The following MYO16 variants were observed in gnomAD, a reference collection of about 807,000 sequenced individuals.
MYO16 encodes the protein myosin XVI, also known as unconventional myosin-XVI.
A neutral mutation model predicts 205.3 loss-of-function variants in MYO16; 94 were observed. The ratio of observed to expected loss-of-function variants is 0.46; its 90% CI spans 0.39 to 0.54. The LOEUF is 0.54. MYO16 is among the 20% of genes least tolerant of loss of function. The pLI, the probability that MYO16 is intolerant of heterozygous loss-of-function variation, is 0.00. For synonymous variants in MYO16, 988 were observed against 954.0 expected (o/e 1.04, Z -0.66); for missense variants, 2,315 against 2,387.5 (o/e 0.97, Z 0.63).
the MYO16 span, among the ~76,000 whole-genome samples, chr13:108,543,528 G>A: frequency 1.3e-5 from 2 of 151,442 alleles, no homozygotes; most frequent in African/African-American, 4.9e-5. Flanking sequence ...TGTAGTCCCA[G>A]CTACTCCGGA....
intron 16 of MYO16, among the ~76,000 whole-genome samples, chr13:108,949,941 A>G (rs533296060): frequency 6.6e-6 from 1 of 152,268 alleles, no homozygotes; most frequent in South Asian, 2.1e-4. Flanking sequence ...GGAAAGATCA[A>G]CTTCAACAAA....
At chr13:108,800,293 T>C (rs1331703539) in intron 6 of MYO16, among the ~76,000 whole-genome samples, 1 of 152,222 alleles carries the variant, frequency 6.6e-6, no homozygotes, top group Admixed American at 6.5e-5. Flanking sequence ...ATGTAGCTTC[T>C]CAGAGTGGTC....
At chr13:108,566,978 A>C in the MYO16 span, among the ~76,000 whole-genome samples, 1 of 152,176 alleles carries the variant, frequency 6.6e-6, no homozygotes, top group Non-Finnish European at 1.5e-5. Context: ...ACATGGACAA[A>C]TGTGGGAATG....
intron 23 of MYO16, among the ~76,000 whole-genome samples, chr13:109,022,458 C>CA (rs1418501274): frequency 2.3e-4 from 28 of 121,478 alleles, no homozygotes; most frequent in South Asian, 1.5e-3. Context: ...GTTATATATA[C>CA]AATATAAACA....
chr13:108,568,005 C>G, the MYO16 span, among the ~76,000 whole-genome samples: 2 of 152,124 alleles, frequency 1.3e-5, no homozygotes, highest in Non-Finnish European at 2.9e-5. Flanking sequence ...ATAATGTTTT[C>G]AAGGTTCATC....
intron 32 of MYO16, among the ~76,000 whole-genome samples, chr13:109,156,577 A>C (rs1594137826): frequency 6.6e-6 from 1 of 152,050 alleles, no homozygotes; most frequent in East Asian, 1.9e-4. Context: ...TCTAAAATAC[A>C]CTCTAATCTG....
At chr13:109,201,147 TTTA>T (rs1214207101) in intron 34 of MYO16, among the ~76,000 whole-genome samples, 1 of 152,182 alleles carries the variant, frequency 6.6e-6, no homozygotes, top group Non-Finnish European at 1.5e-5. Context: ...TAATTGGATA[TTTA>T]TTATTTCACT....
chr13:108,896,062 C>G (rs940546926), intron 14 of MYO16, among the ~76,000 whole-genome samples: 9 of 152,110 alleles, frequency 5.9e-5, no homozygotes, highest in Non-Finnish European at 1.0e-4. Context: ...CCTTCTCACT[C>G]CCAGGCACAT....
At chr13:109,090,544 A>AG (rs1566501070) in intron 27 of MYO16, among the ~76,000 whole-genome samples, 2 of 151,952 alleles carry the variant, frequency 1.3e-5, no homozygotes, top group African/African-American at 4.8e-5. Context: ...GAATGCAAGA[A>AG]GGGGTGGGCA....
chr13:109,084,934 G>A (rs1888392693), intron 27 of MYO16, among the ~76,000 whole-genome samples: 1 of 152,182 alleles, frequency 6.6e-6, no homozygotes, highest in African/African-American at 2.4e-5. Context: ...ACCAGTCAGT[G>A]TGGGTTTATG....
intron 21 of MYO16, among the ~76,000 whole-genome samples, chr13:109,007,768 A>G (rs924361214): frequency 6.6e-6 from 1 of 152,122 alleles, no homozygotes; most frequent in East Asian, 1.9e-4. Flanking sequence ...AAAGAGAAAA[A>G]TTGACAGTTG....
chr13:109,127,513 C>A lies in MYO16; in HGVS notation c.4014C>A (p.Ser1338Arg). The A allele has an allele frequency of 6.2e-7, 1 of 1,612,548 alleles. No homozygotes were observed. The highest frequency in any genetic ancestry group is 2.2e-5 in the East Asian group (1 of 44,828). Residue 1338 changes from serine to arginine, a missense_variant, in exon 31 of 35, where the codon AGC (serine) becomes AGA (arginine). Ser to Arg is a moderately radical substitution (Grantham distance 110). This residue lies in a region of MYO16 where 1,097 missense variants were observed against 1,092.0 expected (regional missense o/e 1.00). Coordinates refer to ENST00000457511, the MANE Select transcript of MYO16 (RefSeq NM_001198950.3). This position sits in a 1 kb window ranked among gnomAD's most constrained non-coding sequence, Gnocchi z 4.2. ...TGAGTGCTTCCTATGAGGCTGTGAGCGCCTGCCTCTCCGCGGCCAGGGAAG... is the reference window on the plus strand; with the variant it reads ...TGAGTGCTTCCTATGAGGCTGTGAGAGCCTGCCTCTCCGCGGCCAGGGAAG... ...TRLSASYEAV[S>R]ACLSAAREAA... is the part of the protein sequence containing the mutation.
At chr13:109,047,194 A>G (rs1887073789) in intron 24 of MYO16, among the ~76,000 whole-genome samples, 1 of 152,176 alleles carries the variant, frequency 6.6e-6, no homozygotes, top group Non-Finnish European at 1.5e-5. Context: ...TCCAATGGAA[A>G]CCATAATTTA....
intron 4 of MYO16, among the ~76,000 whole-genome samples, chr13:108,760,881 T>C (rs1885584154): frequency 6.6e-6 from 1 of 152,212 alleles, no homozygotes; most frequent in South Asian, 2.1e-4. Context: ...TCAACGTTTT[T>C]AGCTCCCGCA....
At chr13:108,610,443 A>C (rs559198221) in intron 1 of MYO16, among the ~76,000 whole-genome samples, 1 of 152,242 alleles carries the variant, frequency 6.6e-6, no homozygotes, top group African/African-American at 2.4e-5. Context: ...TGTGGGCAAA[A>C]GTACTCTTCT....
chr13:108,860,757 G>A (rs1200378137), intron 11 of MYO16, among the ~76,000 whole-genome samples: 1 of 152,172 alleles, frequency 6.6e-6, no homozygotes, highest in Non-Finnish European at 1.5e-5. Flanking sequence ...GAAGAGTGAA[G>A]CTAGACCCCT....
intron 34 of MYO16, among the ~76,000 whole-genome samples, chr13:109,204,205 TG>T (rs2139978299): frequency 6.6e-6 from 1 of 152,354 alleles, no homozygotes; most frequent in Non-Finnish European, 1.5e-5. Flanking sequence ...TTCCTCAGTT[TG>T]TTTTCTAAAT....
chr13:109,106,523 A>G (rs958407032), intron 28 of MYO16, among the ~76,000 whole-genome samples: 1 of 152,236 alleles, frequency 6.6e-6, no homozygotes, highest in African/African-American at 2.4e-5. Flanking sequence ...AGCTAATTCT[A>G]AGTGGAAAAA....
chr13:108,862,794 TGA>T (rs1878509829), intron 11 of MYO16, among the ~76,000 whole-genome samples: 2 of 152,162 alleles, frequency 1.3e-5, no homozygotes, highest in Admixed American at 1.3e-4. Flanking sequence ...TGGAAATAAT[TGA>T]GAGTTTTACA....
Sources: gnomAD v4.1 joint callset for allele counts (sites outside exome capture counted in the v4.1 genomes callset) on GRCh38, gnomAD v4.1.1 for gene constraint, gnomAD v4.1.1 regional missense constraint, Gnocchi (gnomAD v3.1) non-coding constraint, MANE v1.5 for transcripts, NCBI Gene and HGNC (gene_info 2026-07-23, HGNC 2026-07-21) for gene names.